The following NR3C1 variants were observed in gnomAD, a reference collection of about 807,000 sequenced individuals.
The protein encoded by NR3C1 is glucocorticoid receptor.
Under a neutral mutation model 74.0 loss-of-function variants are expected in NR3C1, and 14 were observed. That is an observed-to-expected ratio of 0.19 (90% CI 0.12 to 0.30). The LOEUF is 0.30. Ranked by LOEUF, NR3C1 falls within the 10% of genes least tolerant of loss-of-function variation. NR3C1 has a pLI of 1.00. For missense variants in NR3C1, 695 were observed against 909.8 expected, an observed-to-expected ratio of 0.76 and a Z score of 3.04; for synonymous variants, 308 against 332.5, an observed-to-expected ratio of 0.93 and a Z score of 0.80.
chr5:143,308,536 C>T (rs1162325606), intron 4 of NR3C1, among the ~76,000 whole-genome samples: 1 of 152,126 alleles, frequency 6.6e-6, no homozygotes, highest in Non-Finnish European at 1.5e-5. Flanking sequence ...ACTGCCATCT[C>T]TTATCTGGAG....
chr5:143,282,521 C>T (rs1813330207), intron 8 of NR3C1, 47 bp downstream of exon 8: 1 of 1,609,624 alleles, frequency 6.2e-7, no homozygotes, highest in Non-Finnish European at 8.5e-7. Context: ...TCAAAACATA[C>T]TTTGTCCCAG....
chr5:143,305,826 C>T (rs1407379439), intron 4 of NR3C1, among the ~76,000 whole-genome samples: 1 of 152,078 alleles, frequency 6.6e-6, no homozygotes, highest in Non-Finnish European at 1.5e-5. Context: ...ACTCCAAACA[C>T]CGGCATCACA....
At chr5:143,324,134 G>A (rs1824035350) in intron 2 of NR3C1, among the ~76,000 whole-genome samples, 3 of 152,202 alleles carry the variant, frequency 2.0e-5, no homozygotes, top group Non-Finnish European at 4.4e-5. Flanking sequence ...TCTTCCCACA[G>A]CTCCACTGGG....
chr5:143,384,871 C>A (rs980817595), intron 2 of NR3C1, among the ~76,000 whole-genome samples: 2 of 152,238 alleles, frequency 1.3e-5, no homozygotes, highest in African/African-American at 2.4e-5. Flanking sequence ...CTAGGCAGTG[C>A]CCCAGTGGGG....
chr5:143,303,089 G>C (rs1163740486), intron 4 of NR3C1, among the ~76,000 whole-genome samples: 2 of 151,976 alleles, frequency 1.3e-5, no homozygotes, highest in Non-Finnish European at 2.9e-5. Context: ...AATAAAAAAT[G>C]TAAAAGATGA....
chr5:143,395,244 G>A (rs1349203992), intron 2 of NR3C1, among the ~76,000 whole-genome samples: 2 of 151,728 alleles, frequency 1.3e-5, no homozygotes, highest in African/African-American at 2.4e-5. Flanking sequence ...TTATTTACTT[G>A]AAAAATACAA....
At chr5:143,366,372 T>C (rs1045242793) in intron 2 of NR3C1, among the ~76,000 whole-genome samples, 1 of 151,698 alleles carries the variant, frequency 6.6e-6, no homozygotes, top group Non-Finnish European at 1.5e-5. Context: ...TAGCCAGGCG[T>C]GGTGGTGGGC....
At position 143,412,331 on chromosome 5, in the gene NR3C1, G is replaced by A. The variant is rs530125999; in HGVS notation, c.-13-11479C>T. ...GTTGCAACTGGAACTCACATACTAA[G>A]CTACTCATCTAGTAATTTCATTGAT... On this transcript the variant is annotated intron_variant, in intron 1 of 8. Coordinates refer to the NR3C1 transcript ENST00000343796. 3.9e-5 allele frequency among the ~76,000 whole-genome samples: 6 copies of A among 152,182 alleles called. No homozygotes were observed. In the South Asian group the frequency reaches 1.2e-3, roughly 32 times the overall value.
chr5:143,314,098 TG>T lies in NR3C1; in HGVS notation c.1254del (p.Lys419AsnfsTer18), dbSNP rs1821558923. ...TCATCAGAGCACACCAGGCAGAGTT[TG>T]GGAGGTGGTCCTGTTGTTGCTGTTG... is the stretch of plus-strand genomic sequence containing the variant. Reference protein sequence around the residue: ...SSSTATTGPPPKLCLVCSDEA... With the variant: ...SSSTATTGPPXKLCLVCSDEA... On this transcript the variant is annotated frameshift_variant, in exon 3 of 9. Coordinates refer to ENST00000394464, the MANE Select transcript of NR3C1 (RefSeq NM_000176.3). LOFTEE classifies it high-confidence loss of function. 1 of 1,613,718 alleles carries T rather than the reference TG, an allele frequency of 6.2e-7. No individual in the cohort carries two copies. The highest frequency in any genetic ancestry group is 8.5e-7 in the Non-Finnish European group (1 of 1,179,776).
chr5:143,317,472 T>C (rs1422793277), intron 2 of NR3C1, among the ~76,000 whole-genome samples: 1 of 152,188 alleles, frequency 6.6e-6, no homozygotes, highest in African/African-American at 2.4e-5. Context: ...TTATGAACTA[T>C]TGCTAGGGTG....
intron 2 of NR3C1, among the ~76,000 whole-genome samples, chr5:143,338,355 T>C (rs1013116068): frequency 2.6e-5 from 4 of 152,072 alleles, no homozygotes; most frequent in South Asian, 4.1e-4. Flanking sequence ...TTTTTTTTTT[T>C]TGTTAACTGT....
chr5:143,345,048 T>G (rs1025456243), intron 2 of NR3C1, among the ~76,000 whole-genome samples: 8 of 152,296 alleles, frequency 5.3e-5, no homozygotes, highest in African/African-American at 1.9e-4. Context: ...GTAACTGGCA[T>G]GTCTGAAGGG....
chr5:143,339,387 T>C (rs1018040543), intron 2 of NR3C1, among the ~76,000 whole-genome samples: 1 of 152,226 alleles, frequency 6.6e-6, no homozygotes, highest in African/African-American at 2.4e-5. Context: ...TTCTCTTATC[T>C]TCTCCCCTAT....
intron 2 of NR3C1, among the ~76,000 whole-genome samples, chr5:143,391,643 C>G (rs1838239684): frequency 6.6e-6 from 1 of 151,886 alleles, no homozygotes; most frequent in South Asian, 2.1e-4. Flanking sequence ...TAATATCCCT[C>G]AACAAAATCC....
intron 1 of NR3C1, among the ~76,000 whole-genome samples, chr5:143,427,841 G>A (rs1243350388): frequency 6.6e-6 from 1 of 152,132 alleles, no homozygotes; most frequent in Non-Finnish European, 1.5e-5. Flanking sequence ...TAGAACCTCT[G>A]ACTTTATCTA....
chr5:143,369,311 G>A (rs1039696397), intron 2 of NR3C1, among the ~76,000 whole-genome samples: 2 of 152,180 alleles, frequency 1.3e-5, no homozygotes, highest in Non-Finnish European at 2.9e-5. Flanking sequence ...AACACATAGA[G>A]TTATCATATG....
intron 2 of NR3C1, among the ~76,000 whole-genome samples, chr5:143,340,349 C>CT (rs141742535): frequency 0.15 from 22,593 of 151,720 alleles, 1,856 homozygotes; most frequent in African/African-American, 0.18. Context: ...TCCCAGCAGG[C>CT]TTTTTTTGTG....
At chr5:143,351,904 T>G (rs1830290785) in intron 2 of NR3C1, among the ~76,000 whole-genome samples, 1 of 152,198 alleles carries the variant, frequency 6.6e-6, no homozygotes, top group African/African-American at 2.4e-5. Flanking sequence ...AATAATTATA[T>G]AGGTAAAAAG....
At chr5:143,373,894 T>C (rs1834681118) in intron 2 of NR3C1, among the ~76,000 whole-genome samples, 1 of 152,250 alleles carries the variant, frequency 6.6e-6, no homozygotes. Flanking sequence ...CTTACACACA[T>C]ATATTTTCCT....
Sources: gnomAD v4.1 joint callset for allele counts (sites outside exome capture counted in the v4.1 genomes callset) on GRCh38, gnomAD v4.1.1 for gene constraint, MANE v1.5 for transcripts, NCBI Gene and HGNC (gene_info 2026-07-23, HGNC 2026-07-21) for gene names.